Variants in FAM131C observed in about 807,000 individuals in gnomAD.
FAM131C encodes family with sequence similarity 131 member C.
A neutral mutation model predicts 29.8 loss-of-function variants in FAM131C; 14 were observed. The ratio of observed to expected loss-of-function variants is 0.47; its 90% CI spans 0.31 to 0.73. FAM131C has a LOEUF of 0.73. Ranked by LOEUF, FAM131C falls within the 30% of genes least tolerant of loss-of-function variation. FAM131C has a pLI of 0.05. For synonymous variants in FAM131C, 86 were observed against 157.8 expected (o/e 0.54, Z 3.41); for missense variants, 252 against 383.8 (o/e 0.66, Z 2.87).
intron 1 of FAM131C, among the ~76,000 whole-genome samples, chr1:16,066,038 T>G (rs2023678684): frequency 1.3e-5 from 2 of 152,120 alleles, no homozygotes. Flanking sequence ...TAGCTGGGAT[T>G]ATGGGCACCT....
At chr1:16,061,704 C>T (rs2023596264) in intron 4 of FAM131C, among the ~76,000 whole-genome samples, 1 of 152,052 alleles carries the variant, frequency 6.6e-6, no homozygotes, top group African/African-American at 2.4e-5. Context: ...CTCTGCCTCC[C>T]CCGCTGCCTG....
intron 1 of FAM131C, among the ~76,000 whole-genome samples, chr1:16,073,055 C>A (rs747979717): frequency 5.3e-5 from 8 of 152,180 alleles, no homozygotes; most frequent in Non-Finnish European, 1.0e-4. Context: ...GGAGGGTCTG[C>A]TAGTTCTCCC....
At chr1:16,059,340 AG>A (rs2023552606) in intron 6 of FAM131C, among the ~76,000 whole-genome samples, 153 bp downstream of exon 6, 1 of 152,158 alleles carries the variant, frequency 6.6e-6, no homozygotes, top group South Asian at 2.1e-4. Context: ...GCAATGGGCA[AG>A]GCAAGGATCA....
Position 16,058,259 on chromosome 1 carries a change from C to T in FAM131C, c.*178G>A. ...TATGGCTCCCACTGCTGGGGCAGGT[C>T]CACCGAGGCACAGAGAGGCCACCAT... On this transcript the variant is annotated 3_prime_UTR_variant, in exon 7 of 7. Transcript: ENST00000375662. 1 of 474,056 alleles carries T rather than the reference C, an allele frequency of 2.1e-6. No individual in the cohort carries two copies. The highest frequency in any genetic ancestry group is 2.0e-5 in the African/African-American group (1 of 50,094). The allele number at this position is 474,056 out of a possible 1,614,324, so 29.4% of individuals were successfully genotyped here.
intron 2 of FAM131C, among the ~76,000 whole-genome samples, 200 bp downstream of exon 2, chr1:16,063,321 G>A (rs2023630587): frequency 6.6e-6 from 1 of 152,118 alleles, no homozygotes; most frequent in African/African-American, 2.4e-5. Context: ...TTCTAAACAA[G>A]CCTGGTCCAG....
intron 4 of FAM131C, among the ~76,000 whole-genome samples, chr1:16,060,641 C>T (rs1312726760): frequency 6.6e-6 from 1 of 152,126 alleles, no homozygotes; most frequent in Non-Finnish European, 1.5e-5. Flanking sequence ...CTGGAGGTTT[C>T]ATTTCAAAGA....
chr1:16,062,379 G>GCCC, intron 3 of FAM131C, 120 bp downstream of exon 3: 1 of 1,179,560 alleles, frequency 8.5e-7, no homozygotes. Context: ...TGTTTCATCA[G>GCCC]GCCCCCCCCC....
At position 16,062,127 on chromosome 1, in the gene FAM131C, C is replaced by T; in HGVS notation, c.240G>A (p.Val80=). The T allele has an allele frequency of 6.2e-7, 1 of 1,611,888 alleles. No homozygotes were observed. Among genetic ancestry groups the T allele is most frequent in the South Asian group, 1.1e-5 (1 of 90,946 alleles). ...DSRSRPGNYN[V]AALATSSLVG... ...CAAGGGACGAGGTGGCCAGGGCTGC[C>T]ACGTTGTAGTTGCCGGGGCGGGATC... is the stretch of plus-strand genomic sequence containing the variant. The change falls in exon 4 of 7, where the codon GTG becomes GTA. Residue 80 remains valine (V), a synonymous_variant. Transcript: ENST00000375662.
At chr1:16,065,270 C>G (rs996746945) in intron 1 of FAM131C, among the ~76,000 whole-genome samples, 1 of 152,166 alleles carries the variant, frequency 6.6e-6, no homozygotes, top group East Asian at 1.9e-4. Context: ...TGCCTTCCCC[C>G]ACTCTCCCCG....
At chr1:16,064,040 G>T (rs58884828) in intron 1 of FAM131C, among the ~76,000 whole-genome samples, 1 of 151,730 alleles carries the variant, frequency 6.6e-6, no homozygotes, top group Non-Finnish European at 1.5e-5. Context: ...CCCCGGTTTG[G>T]GTCTGACCCT....
intron 1 of FAM131C, among the ~76,000 whole-genome samples, chr1:16,066,686 A>G (rs1027089543): frequency 1.2e-4 from 18 of 152,270 alleles, no homozygotes; most frequent in African/African-American, 4.3e-4. Flanking sequence ...TACTTTATGA[A>G]GCTTCTGTTT....
chr1:16,065,992 C>T (rs10803416), intron 1 of FAM131C, among the ~76,000 whole-genome samples: 37,974 of 151,724 alleles, frequency 0.25, 5,745 homozygotes, highest in African/African-American at 0.41. Flanking sequence ...CTCCGCCTCC[C>T]AGATTCAAGC....
Position 16,059,387 on chromosome 1 carries a change from G to A in FAM131C, c.562+107C>T, listed in dbSNP as rs576588388. ...TTGCAGATGAAGAAACTTAGGCTGAGAAAAGGAAGGGGCTTGGCCGAGGTC... is the reference window on the plus strand; with the variant it reads ...TTGCAGATGAAGAAACTTAGGCTGAAAAAAGGAAGGGGCTTGGCCGAGGTC... On this transcript the variant is annotated intron_variant, in intron 6 of 6. Coordinates refer to ENST00000375662, the MANE Select transcript of FAM131C (RefSeq NM_182623.3). 102 of 1,477,398 alleles carry A rather than the reference G, an allele frequency of 6.9e-5. No homozygotes were observed. In the South Asian group the frequency reaches 1.3e-3, roughly 19 times the overall value. 91.5% of individuals were successfully genotyped at this position (1,477,398 alleles called of 1,614,324 possible).
intron 1 of FAM131C, among the ~76,000 whole-genome samples, chr1:16,068,223 G>A (rs775410948): frequency 1.3e-5 from 2 of 152,228 alleles, no homozygotes; most frequent in South Asian, 2.1e-4. Context: ...TTCCTCTTAC[G>A]GTCCCTGAGC....
chr1:16,070,042 C>A (rs561308376), intron 1 of FAM131C, among the ~76,000 whole-genome samples: 1 of 152,260 alleles, frequency 6.6e-6, no homozygotes, highest in East Asian at 1.9e-4. Flanking sequence ...AGATTATAAG[C>A]GTGAGCCATA....
rs1557478555 is a variant in FAM131C, at chr1:16,062,378, A to G, written c.174+121T>C. On this transcript the variant is annotated intron_variant, in intron 3 of 6. Transcript: ENST00000375662. ...GACAACCCCCACCCACTGTTTCATC[A>G]GGCCCCCCCCCCCCCCGCCCCAGGG... The G allele has an allele frequency of 5.8e-5, 69 of 1,185,344 alleles. 1 individual carries two copies. Among genetic ancestry groups the G allele is most frequent in the Admixed American group, 3.3e-5 (1 of 29,956 alleles). 73.4% of individuals were successfully genotyped at this position (1,185,344 alleles called of 1,614,324 possible). A position where few individuals can be genotyped will look rare whatever the true frequency, so the allele number is the denominator to read the frequency against.
intron 3 of FAM131C, 112 bp downstream of exon 3, chr1:16,062,387 C>G (rs1014116872): frequency 5.0e-6 from 6 of 1,208,714 alleles, no homozygotes; most frequent in Admixed American, 5.6e-5. Context: ...CAGGCCCCCC[C>G]CCCCCCCGCC....
chr1:16,071,056 C>T (rs2023743514), intron 1 of FAM131C, among the ~76,000 whole-genome samples: 1 of 152,262 alleles, frequency 6.6e-6, no homozygotes, highest in Non-Finnish European at 1.5e-5. Flanking sequence ...AATCCTTGGC[C>T]TTGGCCAAGG....
intron 3 of FAM131C, 103 bp downstream of exon 3, chr1:16,062,396 C>CCCCCCCCCCCCCCCCCA: frequency 7.4e-7 from 1 of 1,358,542 alleles, no homozygotes; most frequent in Non-Finnish European, 9.8e-7. Context: ...CCCCCCCCCG[C>CCCCCCCCCCCCCCCCCA]CCCAGGGCCA....
Sources: gnomAD v4.1 joint callset for allele counts (sites outside exome capture counted in the v4.1 genomes callset) on GRCh38, gnomAD v4.1.1 for gene constraint, MANE v1.5 for transcripts, NCBI Gene and HGNC (gene_info 2026-07-23, HGNC 2026-07-21) for gene names.